Variants in MTHFD1 observed in about 807,000 individuals in gnomAD.
The protein encoded by MTHFD1 is C-1-tetrahydrofolate synthase, cytoplasmic.
Under a neutral mutation model 110.3 loss-of-function variants are expected in MTHFD1, and 44 were observed. The observed-to-expected ratio is 0.40, with a 90% CI of 0.31 to 0.51. MTHFD1 has a LOEUF of 0.51. Ranked by LOEUF, MTHFD1 falls within the 20% of genes least tolerant of loss-of-function variation. MTHFD1 has a pLI of 0.60. For synonymous variants in MTHFD1, 402 were observed against 428.8 expected, an observed-to-expected ratio of 0.94 and a Z score of 0.77; for missense variants, 909 against 1,173.1, an observed-to-expected ratio of 0.77 and a Z score of 3.29.
At chr14:64,436,429 C>G (rs576827387) in intron 16 of MTHFD1, among the ~76,000 whole-genome samples, 1 of 152,158 alleles carries the variant, frequency 6.6e-6, no homozygotes, top group Non-Finnish European at 1.5e-5. Flanking sequence ...TTATTAAATT[C>G]TCTTATAGCA....
intron 1 of MTHFD1, among the ~76,000 whole-genome samples, chr14:64,390,735 A>G (rs12432825): frequency 0.55 from 82,997 of 150,938 alleles, 24,882 homozygotes; most frequent in African/African-American, 0.81. Context: ...TGCAACCTCC[A>G]CCTCCCAGGT....
chr14:64,398,194 T>C (rs1237238875), intron 1 of MTHFD1, among the ~76,000 whole-genome samples: 2 of 152,216 alleles, frequency 1.3e-5, no homozygotes, highest in African/African-American at 4.8e-5. Context: ...TCTATTCTTC[T>C]TTTGAGCTAT....
chr14:64,451,453 C>G (rs1334585031), intron 24 of MTHFD1, among the ~76,000 whole-genome samples: 1 of 152,238 alleles, frequency 6.6e-6, no homozygotes, highest in Non-Finnish European at 1.5e-5. Context: ...AATACACTTA[C>G]AGTTAATTAA....
At chr14:64,429,912 C>G (rs2078145074) in intron 12 of MTHFD1, among the ~76,000 whole-genome samples, 1 of 152,138 alleles carries the variant, frequency 6.6e-6, no homozygotes, top group South Asian at 2.1e-4. Flanking sequence ...TAACTGTCAG[C>G]TGGGTGTTTT....
chr14:64,389,693 A>G (rs1174038178), intron 1 of MTHFD1, among the ~76,000 whole-genome samples: 1 of 151,874 alleles, frequency 6.6e-6, no homozygotes, highest in Non-Finnish European at 1.5e-5. Context: ...GGGCAACAAG[A>G]GCGAAACTCC....
At chr14:64,435,406 C>T (rs2078198481) in intron 15 of MTHFD1, among the ~76,000 whole-genome samples, 163 bp from the exon 16 acceptor site, 1 of 152,136 alleles carries the variant, frequency 6.6e-6, no homozygotes, top group African/African-American at 2.4e-5. Flanking sequence ...TTTAGGCTGA[C>T]AGTAGGAAAT....
chr14:64,404,384 A>C (rs1034442675), intron 2 of MTHFD1, among the ~76,000 whole-genome samples: 5 of 152,176 alleles, frequency 3.3e-5, no homozygotes, highest in African/African-American at 1.2e-4. Flanking sequence ...AACCTCACCC[A>C]GTCCCATAGC....
intron 26 of MTHFD1, 115 bp from the exon 27 acceptor site, chr14:64,458,099 C>T: frequency 2.4e-6 from 2 of 824,252 alleles, no homozygotes; most frequent in Non-Finnish European, 4.3e-6. Flanking sequence ...CTATGTTGCC[C>T]AGGGTGGTTT....
intron 26 of MTHFD1, among the ~76,000 whole-genome samples, chr14:64,456,340 C>T (rs1287633116): frequency 6.6e-6 from 1 of 152,194 alleles, no homozygotes; most frequent in Non-Finnish European, 1.5e-5. Flanking sequence ...CCGTTGGGGC[C>T]TTAACGAGAC....
At position 64,440,162 on chromosome 14, in the gene MTHFD1, G is replaced by T. The variant is rs1364786396; in HGVS notation, c.1711G>T (p.Ala571Ser). The change falls in exon 18 of 28, where the codon GCT becomes TCT. Residue 571 changes from alanine to serine, a missense_variant. Around this residue, in one of 3 missense-constraint regions of MTHFD1, gnomAD observed 482 missense variants for 646.0 expected, o/e 0.75. Transcript: ENST00000652337. ...FDISVASEIM[A>S]VLALTTSLED... ...TATCTCTGTGGCCAGTGAAATTATG[G>T]CTGTCCTGGCTCTCACCACTTCTCT... is the stretch of plus-strand genomic sequence containing the variant. 2 of 1,614,006 alleles carry T rather than the reference G, an allele frequency of 1.2e-6. No individual in the cohort carries two copies. Among genetic ancestry groups the T allele is most frequent in the Non-Finnish European group, 1.7e-6 (2 of 1,180,004 alleles).
chr14:64,438,153 C>T (rs1049223818), intron 16 of MTHFD1, among the ~76,000 whole-genome samples: 1 of 152,176 alleles, frequency 6.6e-6, no homozygotes. Context: ...GATTTACAGG[C>T]GTGAGCCACT....
chr14:64,396,082 C>T (rs1261611097), intron 1 of MTHFD1, among the ~76,000 whole-genome samples: 1 of 152,044 alleles, frequency 6.6e-6, no homozygotes, highest in African/African-American at 2.4e-5. Context: ...CTTTCAAATA[C>T]GTATTTGAGG....
Position 64,415,686 on chromosome 14 carries a change from A to G in MTHFD1, c.425A>G (p.Asp142Gly). Residue 142 changes from aspartate (D) to glycine (G), a missense_variant, in exon 6 of 28, where the codon GAC (aspartate) becomes GGC (glycine). Around this residue, in one of 3 missense-constraint regions of MTHFD1, gnomAD observed 424 missense variants for 510.4 expected, o/e 0.83. Coordinates refer to ENST00000652337, the MANE Select transcript of MTHFD1 (RefSeq NM_005956.4). The stretch of plus-strand genomic sequence containing the variant: ...AAACTTGCTAGAGGTGACCTCAATG[A>G]CTGTTTCATTCCTTGTACGCCTAAG... ...AGKLARGDLN[D>G]CFIPCTPKGC... The G allele has an allele frequency of 6.2e-7, 1 of 1,613,998 alleles. No individual in the cohort carries two copies. The highest frequency in any genetic ancestry group is 1.1e-5 in the South Asian group (1 of 91,078).
rs775643525 is a variant in MTHFD1, at chr14:64,441,472, G to A, written c.1884+19G>A. On this transcript the variant is annotated intron_variant, in intron 19 of 27. Coordinates refer to ENST00000652337, the MANE Select transcript of MTHFD1 (RefSeq NM_005956.4). ...ACTGGAGGTGAGCAGAGTGACTCCTGCCTTCTTGAATTGGTTTTGGACAGT... is the reference window on the plus strand; with the variant it reads ...ACTGGAGGTGAGCAGAGTGACTCCTACCTTCTTGAATTGGTTTTGGACAGT... The A allele has an allele frequency of 1.5e-5, 25 of 1,612,954 alleles. No individual in the cohort carries two copies. Among genetic ancestry groups the A allele is most frequent in the Non-Finnish European group, 2.1e-5 (25 of 1,179,194 alleles).
intron 26 of MTHFD1, among the ~76,000 whole-genome samples, chr14:64,457,784 A>C (rs1418515743): frequency 1.3e-5 from 2 of 152,150 alleles, no homozygotes; most frequent in Non-Finnish European, 2.9e-5. Flanking sequence ...TTTTAACAGG[A>C]TCAGTGACTT....
intron 8 of MTHFD1, among the ~76,000 whole-genome samples, chr14:64,421,860 C>CAG (rs1363181552): frequency 1.3e-5 from 2 of 152,054 alleles, no homozygotes; most frequent in African/African-American, 4.8e-5. Context: ...CTCCTGACCT[C>CAG]GTGATCCGCC....
At chr14:64,436,608 C>T (rs917254113) in intron 16 of MTHFD1, among the ~76,000 whole-genome samples, 7 of 152,182 alleles carry the variant, frequency 4.6e-5, no homozygotes, top group Admixed American at 1.3e-4. Context: ...GAATCTTCAT[C>T]CACTCATGCA....
At chr14:64,396,558 ATTTTTT>A (rs71123843) in intron 1 of MTHFD1, among the ~76,000 whole-genome samples, 2 of 126,794 alleles carry the variant, frequency 1.6e-5, no homozygotes, top group South Asian at 5.3e-4. Context: ...CTCCCAGTTA[ATTTTTT>A]TTTTTTTTTT....
intron 24 of MTHFD1, 52 bp downstream of exon 24, chr14:64,449,674 G>A (rs1269242714): frequency 1.4e-5 from 22 of 1,594,156 alleles, no homozygotes; most frequent in East Asian, 2.2e-5. Context: ...AGGGCACAGT[G>A]AAGTTTCTGT....
Sources: gnomAD v4.1 joint callset for allele counts (sites outside exome capture counted in the v4.1 genomes callset) on GRCh38, gnomAD v4.1.1 for gene constraint, gnomAD v4.1.1 regional missense constraint, MANE v1.5 for transcripts, NCBI Gene and HGNC (gene_info 2026-07-23, HGNC 2026-07-21) for gene names.